Variants in MLIP observed in about 807,000 individuals in gnomAD.
MLIP encodes the protein muscular LMNA interacting protein, also known as muscular LMNA-interacting protein.
MLIP carries 79 observed loss-of-function variants against 84.8 expected under a neutral mutation model. The observed-to-expected ratio is 0.93, with a 90% CI of 0.78 to 1.12. MLIP has a LOEUF of 1.12. Ranked by LOEUF, MLIP falls within the 50% of genes most tolerant of loss-of-function variation. MLIP has a pLI of 0.00. For missense variants in MLIP, 1,257 were observed against 1,160.6 expected, an observed-to-expected ratio of 1.08 and a Z score of -1.21; for synonymous variants, 504 against 463.0, an observed-to-expected ratio of 1.09 and a Z score of -1.14.
chr6:54,098,014 G>A (rs1462503147), intron 1 of MLIP, among the ~76,000 whole-genome samples: 1 of 152,086 alleles, frequency 6.6e-6, no homozygotes, highest in Non-Finnish European at 1.5e-5. Context: ...GGAAATGCAC[G>A]TTGAAATTAG....
At position 54,064,533 on chromosome 6, in the gene MLIP, G is replaced by A. The variant is rs531102291; in HGVS notation, c.63+45442G>A. On this transcript the variant is annotated intron_variant, in intron 1 of 12. Transcript: ENST00000274897. ...CACCCACCACCACCGCACCCCTGCC[G>A]TGGGAATCAAGGTCAGCTTGCAGCC... Among the ~76,000 whole-genome samples the A allele has an allele frequency of 3.7e-3, 367 of 100,008 alleles. 49 individuals carry two copies. The highest frequency in any genetic ancestry group is 8.7e-3 in the African/African-American group (339 of 39,190). 65.6% of individuals were successfully genotyped at this position (100,008 alleles called of 152,430 possible). A position where few individuals can be genotyped will look rare whatever the true frequency, so the allele number is the denominator to read the frequency against.
At chr6:54,176,529 T>C (rs1776303246) in intron 9 of MLIP, among the ~76,000 whole-genome samples, 1 of 151,938 alleles carries the variant, frequency 6.6e-6, no homozygotes, top group African/African-American at 2.4e-5. Context: ...TGGCATATAG[T>C]TGCTCATAGT....
rs1475240521 is a variant in MLIP at position 54,136,852 on chromosome 6, T to C, written c.783T>C (p.Thr261=). 1.3e-6 allele frequency: 2 copies of C among 1,534,994 alleles called. No individual in the cohort carries two copies. Among genetic ancestry groups the C allele is most frequent in the Admixed American group, 2.0e-5 (1 of 50,934 alleles). Residue 261 remains threonine (T), a synonymous_variant, in exon 4 of 14, where the codon ACT becomes ACC. Coordinates refer to ENST00000502396, the MANE Select transcript of MLIP (RefSeq NM_001281747.2). The part of the protein sequence containing the change: ...EGASVLEEFH[T]RRLDVGGAVV... Reference sequence around the variant, plus strand: ...CCTCTGTCCTAGAGGAGTTCCACACTAGGAGGCTGGATGTCGGTGGGGCCG... The same window carrying C: ...CCTCTGTCCTAGAGGAGTTCCACACCAGGAGGCTGGATGTCGGTGGGGCCG...
intron 3 of MLIP, among the ~76,000 whole-genome samples, chr6:54,135,312 A>G (rs1771706506): frequency 6.6e-6 from 1 of 152,090 alleles, no homozygotes; most frequent in Admixed American, 6.5e-5. Context: ...TTACGCCAAT[A>G]TATTCAGGTG....
chr6:54,207,962 A>T (rs572048831), intron 11 of MLIP, among the ~76,000 whole-genome samples: 1 of 151,508 alleles, frequency 6.6e-6, no homozygotes, highest in African/African-American at 2.4e-5. Flanking sequence ...CGTCTCTACT[A>T]AAAAAATTAC....
At chr6:54,241,996 C>T (rs9474771) in intron 12 of MLIP, among the ~76,000 whole-genome samples, 20,056 of 152,112 alleles carry the variant, frequency 0.13, 1,886 homozygotes, top group African/African-American at 0.26. Context: ...GAGAAATACA[C>T]ATATAGGAAA....
chr6:54,036,348 A>G (rs1046163712), intron 1 of MLIP, among the ~76,000 whole-genome samples: 2 of 151,876 alleles, frequency 1.3e-5, no homozygotes, highest in Non-Finnish European at 2.9e-5. Context: ...TACACCAATA[A>G]CAGACAAATA....
At chr6:54,158,083 G>A (rs1265710755) in intron 5 of MLIP, among the ~76,000 whole-genome samples, 1 of 152,152 alleles carries the variant, frequency 6.6e-6, no homozygotes, top group South Asian at 2.1e-4. Context: ...GGCAGTTCTA[G>A]CATCTGGACC....
chr6:54,038,147 C>T (rs1764548958), intron 1 of MLIP, among the ~76,000 whole-genome samples: 1 of 151,862 alleles, frequency 6.6e-6, no homozygotes, highest in East Asian at 1.9e-4. Context: ...TTCAGTATGC[C>T]CTCTGATAAC....
At chr6:54,145,774 C>T (rs1204671673) in intron 4 of MLIP, among the ~76,000 whole-genome samples, 2 of 149,932 alleles carry the variant, frequency 1.3e-5, no homozygotes, top group Admixed American at 6.6e-5. Context: ...AGACTCTGTC[C>T]CCCACCACCC....
chr6:54,081,118 C>G (rs1444125990), intron 1 of MLIP, among the ~76,000 whole-genome samples: 2 of 152,120 alleles, frequency 1.3e-5, no homozygotes, highest in African/African-American at 4.8e-5. Context: ...TCTCATCTCC[C>G]CAGTACCCTC....
At chr6:54,112,439 G>C (rs1275849991) in intron 1 of MLIP, among the ~76,000 whole-genome samples, 2 of 152,176 alleles carry the variant, frequency 1.3e-5, no homozygotes, top group Non-Finnish European at 2.9e-5. Flanking sequence ...AGGATGCTAG[G>C]TAAAGGTGGT....
intron 11 of MLIP, among the ~76,000 whole-genome samples, chr6:54,214,873 A>G (rs897849420): frequency 1.3e-5 from 2 of 152,190 alleles, no homozygotes; most frequent in Non-Finnish European, 2.9e-5. Context: ...CTGTGGTTTT[A>G]TGCTGAATGG....
chr6:54,074,015 A>T (rs2150347478), intron 1 of MLIP, among the ~76,000 whole-genome samples: 1 of 152,292 alleles, frequency 6.6e-6, no homozygotes, highest in African/African-American at 2.4e-5. Context: ...AACCAATGTA[A>T]GTTTTACTTT....
chr6:54,074,406 GA>G (rs1766667908), intron 1 of MLIP, among the ~76,000 whole-genome samples: 2 of 149,408 alleles, frequency 1.3e-5, no homozygotes, highest in Admixed American at 1.4e-4. Context: ...TTAACGCGAT[GA>G]TTTTTTTTTC....
chr6:54,160,547 C>T lies in MLIP; in HGVS notation c.2387C>T (p.Thr796Ile). The T allele has an allele frequency of 6.2e-7, 1 of 1,612,578 alleles. No individual in the cohort carries two copies. Among genetic ancestry groups the T allele is most frequent in the Non-Finnish European group, 8.5e-7 (1 of 1,179,160 alleles). Residue 796 changes from threonine (T) to isoleucine (I), a missense_variant, in exon 7 of 14, where the codon ACT becomes ATT. Thr to Ile is a moderately conservative substitution (Grantham distance 89). Coordinates refer to ENST00000502396, the MANE Select transcript of MLIP (RefSeq NM_001281747.2). The part of the protein sequence containing the change: ...LYFPAQLRQQ[T>I]EELCATIDKV... Reference sequence around the variant, plus strand: ...TTTCCTGCACAGCTCAGGCAGCAAACTGAAGAGCTCTGTGCTACCATTGAT... The same window carrying T: ...TTTCCTGCACAGCTCAGGCAGCAAATTGAAGAGCTCTGTGCTACCATTGAT...
chr6:54,029,431 C>T (rs1225267941), intron 1 of MLIP: 1 of 152,278 alleles, frequency 6.6e-6, no homozygotes, highest in African/African-American at 2.4e-5. Flanking sequence ...GCCTTCTGTC[C>T]CTTCCACCAT....
intron 1 of MLIP, among the ~76,000 whole-genome samples, chr6:54,059,231 G>A (rs1765827942): frequency 6.6e-6 from 1 of 152,118 alleles, no homozygotes; most frequent in Admixed American, 6.5e-5. Flanking sequence ...TCTGGATAAA[G>A]TAAAAGACTA....
At chr6:54,226,294 G>A (rs1045517750) in intron 11 of MLIP, among the ~76,000 whole-genome samples, 5 of 152,208 alleles carry the variant, frequency 3.3e-5, no homozygotes, top group African/African-American at 1.2e-4. Context: ...AGGGGACTAA[G>A]TGATGCTATA....
Sources: gnomAD v4.1 joint callset for allele counts (sites outside exome capture counted in the v4.1 genomes callset) on GRCh38, gnomAD v4.1.1 for gene constraint, MANE v1.5 for transcripts, NCBI Gene and HGNC (gene_info 2026-07-23, HGNC 2026-07-21) for gene names.